Variants in PLEC observed in about 807,000 individuals in gnomAD.
The protein encoded by PLEC is hemidesmosomal protein 1.
A neutral mutation model predicts 392.8 loss-of-function variants in PLEC; 216 were observed. That is an observed-to-expected ratio of 0.55 (90% CI 0.49 to 0.62). PLEC has a LOEUF of 0.62. Among genes scored for constraint, PLEC ranks in the 20% least tolerant of loss-of-function variants. The probability of loss-of-function intolerance (pLI) is 0.00; values close to 1 mark genes in which losing one functional copy is unlikely to be tolerated. For synonymous variants in PLEC, 3,621 were observed against 2,980.6 expected (o/e 1.21, Z -7.00); for missense variants, 6,863 against 6,563.4 (o/e 1.05, Z -1.58).
intron 10 of PLEC, 32 bp downstream of exon 10, chr8:143,934,603 A>G (rs1038284309): frequency 6.2e-7 from 1 of 1,605,854 alleles, no homozygotes; most frequent in Non-Finnish European, 8.5e-7. Flanking sequence ...GCGTTCCAGG[A>G]CACCACCCAC....
rs1244313497 is a variant in PLEC, at chr8:143,922,932, G to A, written c.6997C>T (p.Gln2333Ter). 6.2e-7 allele frequency: 1 copy of A among 1,605,136 alleles called. No individual in the cohort carries two copies. Among genetic ancestry groups the A allele is most frequent in the Non-Finnish European group, 8.5e-7 (1 of 1,176,252 alleles). Residue 2333 changes from glutamine to a stop codon, truncating the protein, a stop_gained, in exon 31 of 32, where the codon CAG (glutamine) becomes TAG (stop). Coordinates refer to ENST00000345136, the MANE Select transcript of PLEC (RefSeq NM_201384.3). LOFTEE classifies it high-confidence loss of function. ...TCCTGCGCAAGCTCCTTCTGCTGCT[G>A]CAGCAGTTCCGCCTCAGCCTTGAGT... ...TRLKAEAELL[Q>*]QQKELAQEQA...
At chr8:143,938,473 A>G (rs1167404939) in intron 2 of PLEC, 158 bp downstream of exon 2, 3 of 1,545,364 alleles carry the variant, frequency 1.9e-6, no homozygotes, top group Admixed American at 3.8e-5. Flanking sequence ...AGGCAGGAGC[A>G]GGCGTAGGGA....
chr8:143,915,971 G>A lies in PLEC; in HGVS notation c.*206C>T. 1 of 451,648 alleles carries A rather than the reference G, an allele frequency of 2.2e-6. No individual in the cohort carries two copies. The highest frequency in any genetic ancestry group is 3.5e-5 in the South Asian group (1 of 28,908). 28.0% of individuals were successfully genotyped at this position (451,648 alleles called of 1,614,324 possible). ...GGAGTGAGGAGACCCGAGGGGGTGA[G>A]GCGGCCAGCAGGGCTGGGCCAGCCC... is the stretch of plus-strand genomic sequence containing the variant. On this transcript the variant is annotated 3_prime_UTR_variant, in exon 32 of 32. Transcript: ENST00000345136.
Position 143,922,495 on chromosome 8 carries a change from G to A in PLEC, c.7425+9C>T, listed in dbSNP as rs782448457. The A allele has an allele frequency of 3.1e-6, 5 of 1,606,890 alleles. No homozygotes were observed. The highest frequency in any genetic ancestry group is 2.2e-5 in the South Asian group (2 of 91,090). On this transcript the variant is annotated intron_variant, in intron 31 of 31. Coordinates refer to ENST00000345136, the MANE Select transcript of PLEC (RefSeq NM_201384.3). ...CCCACCCGCCCGTCGCACGTAGAGG[G>A]GGCGGTACCTCCTCAGACTTGAGCT...
At chr8:143,938,551 C>T in intron 2 of PLEC, 80 bp downstream of exon 2, 1 of 1,561,304 alleles carries the variant, frequency 6.4e-7, no homozygotes, top group Non-Finnish European at 8.8e-7. Flanking sequence ...TGGGGACAGC[C>T]TTGGGCGGCA....
chr8:143,956,271 A>C (rs1832590223), upstream of PLEC, among the ~76,000 whole-genome samples: 1 of 152,266 alleles, frequency 6.6e-6, no homozygotes, highest in Middle Eastern at 3.4e-3. Flanking sequence ...TAAAGGATTA[A>C]AACGCATAAA....
At position 143,933,220 on chromosome 8, in the gene PLEC, C is replaced by A. The variant is rs199865222; in HGVS notation, c.1395G>T (p.Pro465=). ...DVQTLKDGRH[P]QGEQMYRRVY... Reference sequence around the variant, plus strand: ...ACCTGCGGTACATCTGCTCGCCCTGCGGGTGCCGTCCATCCTTGAGGGTCT... The same window carrying A: ...ACCTGCGGTACATCTGCTCGCCCTGAGGGTGCCGTCCATCCTTGAGGGTCT... Residue 465 remains proline (P), a synonymous_variant, in exon 13 of 32, where the codon CCG becomes CCT. Coordinates refer to ENST00000345136, the MANE Select transcript of PLEC (RefSeq NM_201384.3). 7.4e-6 allele frequency: 12 copies of A among 1,612,824 alleles called. No homozygotes were observed. Among genetic ancestry groups the A allele is most frequent in the East Asian group, 2.2e-5 (1 of 44,878 alleles).
rs1554676465 is a variant in PLEC at position 143,918,873 on chromosome 8, C to T, written c.10948G>A (p.Glu3650Lys). Residue 3650 changes from glutamate to lysine, a missense_variant, in exon 32 of 32, where the codon GAG becomes AAG. Coordinates refer to ENST00000345136, the MANE Select transcript of PLEC (RefSeq NM_201384.3). The part of the protein sequence containing the change: ...YDYVRRRLTA[E>K]DLFEARIISL... ...ATGATCCGAGCCTCGAACAGGTCCT[C>T]AGCCGTGAGGCGGCGGCGCACGTAG... The T allele has an allele frequency of 2.5e-6, 4 of 1,612,848 alleles. No homozygotes were observed. The South Asian group carries it at 3.3e-5, about 13-fold the overall frequency.
At chr8:143,938,050 TC>T (rs1188782532) in intron 3 of PLEC, 100 bp downstream of exon 3, 4 of 824,238 alleles carry the variant, frequency 4.9e-6, no homozygotes, top group East Asian at 2.7e-5. Context: ...TGAGCTGGAT[TC>T]CAAGTAGAGT....
Position 143,919,696 on chromosome 8 carries a change from C to T in PLEC, c.10125G>A (p.Met3375Ile), listed in dbSNP as rs1554679101. The T allele has an allele frequency of 1.2e-6, 2 of 1,603,388 alleles. No individual in the cohort carries two copies. Among genetic ancestry groups the T allele is most frequent in the Non-Finnish European group, 1.7e-6 (2 of 1,175,778 alleles). Residue 3375 changes from methionine (M) to isoleucine (I), a missense_variant, in exon 32 of 32, where the codon ATG becomes ATA. Met to Ile is a conservative substitution (Grantham distance 10). Transcript: ENST00000345136. Reference protein sequence around the residue: ...TKEKVSIYEAMRRGLLRATTA... With the variant: ...TKEKVSIYEAIRRGLLRATTA... Reference sequence around the variant, plus strand: ...TTGTGGCTCTCAGCAGGCCCCGGCGCATGGCCTCGTAGATGGACACCTTCT... The same window carrying T: ...TTGTGGCTCTCAGCAGGCCCCGGCGTATGGCCTCGTAGATGGACACCTTCT...
intron 25 of PLEC, among the ~76,000 whole-genome samples, chr8:143,928,366 C>T (rs1187340220): frequency 1.3e-5 from 2 of 152,262 alleles, no homozygotes; most frequent in South Asian, 2.1e-4. Context: ...AAGGGGACAC[C>T]GGGGTGGAAA....
chr8:143,945,671 C>T lies in PLEC; in HGVS notation c.523+4513G>A, dbSNP rs527819280. Among the ~76,000 whole-genome samples, 331 of 152,308 alleles carry T rather than the reference C, an allele frequency of 2.2e-3. 4 individuals carry two copies. Among genetic ancestry groups the T allele is most frequent in the South Asian group, 1.0e-3 (5 of 4,826 alleles). On this transcript the variant is annotated intron_variant, in intron 1 of 31. Transcript: ENST00000322810. ...CTGAGGCGCCGCCTGCTGTCCCGCACGCTGCCATCTGAGCCCAGGTGGCCT... is the reference window on the plus strand; with the variant it reads ...CTGAGGCGCCGCCTGCTGTCCCGCATGCTGCCATCTGAGCCCAGGTGGCCT...
chr8:143,941,718 A>C (rs1830492002), upstream of PLEC, among the ~76,000 whole-genome samples: 1 of 145,940 alleles, frequency 6.9e-6, no homozygotes, highest in Non-Finnish European at 1.5e-5. Context: ...CCCTAAAACC[A>C]ACAGACACAC....
upstream of PLEC, among the ~76,000 whole-genome samples, chr8:143,953,477 T>A (rs1245179503): frequency 2.7e-4 from 39 of 145,734 alleles, no homozygotes; most frequent in Admixed American, 4.7e-4. Context: ...CCGCCGCCGC[T>A]GCAGCAGCCA....
chr8:143,958,403 A>G (rs1207983784), upstream of PLEC, among the ~76,000 whole-genome samples: 1 of 152,136 alleles, frequency 6.6e-6, no homozygotes, highest in Non-Finnish European at 1.5e-5. This position sits in a 1 kb window ranked among gnomAD's most constrained non-coding sequence, Gnocchi z 4.9. Flanking sequence ...GAGTATCTCA[A>G]TACCAGGTGT....
upstream of PLEC, chr8:143,942,434 G>A: frequency 6.2e-7 from 1 of 1,604,098 alleles, no homozygotes. Flanking sequence ...CTGCGGGCCG[G>A]CTCGCAGCCC....
chr8:143,950,546 G>A (rs1554735660), exon 1 of PLEC: 1 of 1,608,384 alleles, frequency 6.2e-7, no homozygotes, highest in African/African-American at 1.3e-5. Context: ...TGCCCGCAGG[G>A]ACGCCATGGC....
In PLEC at chr8:143,926,969, C is replaced by T. The variant is rs782786031; in HGVS notation, c.3945+8G>A. 2.5e-6 allele frequency: 4 copies of T among 1,611,488 alleles called. No homozygotes were observed. The highest frequency in any genetic ancestry group is 2.2e-5 in the East Asian group (1 of 44,898). On this transcript the variant is annotated splice_region_variant and intron_variant, in intron 29 of 31. Coordinates refer to ENST00000345136, the MANE Select transcript of PLEC (RefSeq NM_201384.3). ...CCCCTCACCCAGTTAGGTTCGGCCC[C>T]ACCCTACCTCCTGGATGACACTCTC...
chr8:143,926,008 C>G lies in PLEC; in HGVS notation c.4045-124G>C, dbSNP rs1203185009. The G allele has an allele frequency of 3.8e-5, 43 of 1,128,450 alleles. No homozygotes were observed. The East Asian group carries it at 1.1e-3, about 29-fold the overall frequency. 69.9% of individuals were successfully genotyped at this position (1,128,450 alleles called of 1,614,324 possible). ...GAGCAGGGGTCGGGGAAGACAGAGGCCCCAGCCCGGCGGAGGAGACAGCGT... is the reference window on the plus strand; with the variant it reads ...GAGCAGGGGTCGGGGAAGACAGAGGGCCCAGCCCGGCGGAGGAGACAGCGT... On this transcript the variant is annotated intron_variant, in intron 30 of 31. Transcript: ENST00000345136.
Sources: gnomAD v4.1 joint callset for allele counts (sites outside exome capture counted in the v4.1 genomes callset) on GRCh38, gnomAD v4.1.1 for gene constraint, Gnocchi (gnomAD v3.1) non-coding constraint, MANE v1.5 for transcripts, NCBI Gene and HGNC (gene_info 2026-07-23, HGNC 2026-07-21) for gene names.